KHDC1: variants seen among roughly 807,000 people sequenced by gnomAD.
KHDC1 encodes the protein KH homology domain-containing protein 1.
In KHDC1, 21 loss-of-function variants were observed where a neutral mutation model predicts 24.7. That is an observed-to-expected ratio of 0.85 (90% CI 0.60 to 1.23). KHDC1 has a LOEUF of 1.23. Among genes scored for constraint, KHDC1 ranks in the 50% most tolerant of loss-of-function variants. KHDC1 has a pLI of 0.00. For missense variants in KHDC1, 274 were observed against 298.5 expected, an observed-to-expected ratio of 0.92 and a Z score of 0.61; for synonymous variants, 98 against 111.7, an observed-to-expected ratio of 0.88 and a Z score of 0.77.
At chr6:73,271,838 T>C (rs1767185093) in intron 2 of KHDC1, among the ~76,000 whole-genome samples, 1 of 151,430 alleles carries the variant, frequency 6.6e-6, no homozygotes, top group Admixed American at 6.6e-5. Context: ...GATGTTGCAG[T>C]GAGCTGAGAT....
chr6:73,259,632 A>C (rs557461523), intron 2 of KHDC1, among the ~76,000 whole-genome samples: 79 of 152,324 alleles, frequency 5.2e-4, no homozygotes, highest in Non-Finnish European at 2.9e-4. Flanking sequence ...AGTTACATGC[A>C]GCAAGAAAGT....
At chr6:73,263,091 C>T in intron 2 of KHDC1, 2 of 1,017,330 alleles carry the variant, frequency 2.0e-6, no homozygotes, top group African/African-American at 1.7e-5. Flanking sequence ...CGGCTGCAGG[C>T]CTGGCCGATT....
At position 73,308,354 on chromosome 6, in the gene KHDC1, G is replaced by A. The variant is rs368165166; in HGVS notation, c.163+1198C>T. On this transcript the variant is annotated intron_variant, in intron 1 of 4. Transcript: ENST00000370384. Reference sequence around the variant, plus strand: ...CTCCCGAAGTGCTGGGATTACAGGCGTGAGCCACCACGCCCTGCTGCAATT... The same window carrying A: ...CTCCCGAAGTGCTGGGATTACAGGCATGAGCCACCACGCCCTGCTGCAATT... 3.3e-5 allele frequency among the ~76,000 whole-genome samples: 5 copies of A among 152,096 alleles called. No homozygotes were observed. In the South Asian group the frequency reaches 6.2e-4, roughly 19 times the overall value.
chr6:73,271,151 G>A (rs1256077580), intron 2 of KHDC1, among the ~76,000 whole-genome samples: 4 of 152,064 alleles, frequency 2.6e-5, no homozygotes, highest in Non-Finnish European at 1.5e-5. Flanking sequence ...ATGTAGCAAA[G>A]TCTATTAATT....
chr6:73,293,546 G>A lies in KHDC1; in HGVS notation c.164-1506C>T, dbSNP rs189384423. On this transcript the variant is annotated intron_variant, in intron 1 of 4. Transcript: ENST00000370384. ...CATGATCCCCGCACTTTGGGAGGCCGAGGCAGGCAGATCTCTTGAGGCCAG... is the reference window on the plus strand; with the variant it reads ...CATGATCCCCGCACTTTGGGAGGCCAAGGCAGGCAGATCTCTTGAGGCCAG... Among the ~76,000 whole-genome samples the A allele has an allele frequency of 2.2e-3, 333 of 152,026 alleles. 1 individual carries two copies. Among genetic ancestry groups the A allele is most frequent in the Non-Finnish European group, 3.1e-3 (212 of 67,948 alleles).
Position 73,242,280 on chromosome 6 carries a change from C to T in KHDC1, c.332-43G>A, listed in dbSNP as rs185551503. The T allele has an allele frequency of 8.8e-5, 141 of 1,604,816 alleles. 2 individuals are homozygous for T. The Admixed American group carries it at 2.3e-3, about 26-fold the overall frequency. ...GAGAGGAGGTTCTGTCAAGCACCAGCCCTTAGGGAATGGGGAGGTGGCCTT... is the reference window on the plus strand; with the variant it reads ...GAGAGGAGGTTCTGTCAAGCACCAGTCCTTAGGGAATGGGGAGGTGGCCTT... On this transcript the variant is annotated intron_variant, in intron 3 of 4. Coordinates refer to ENST00000370384, the Ensembl canonical transcript of KHDC1.
chr6:73,305,146 G>A (rs545186033), intron 1 of KHDC1, among the ~76,000 whole-genome samples: 11 of 152,128 alleles, frequency 7.2e-5, no homozygotes, highest in South Asian at 4.2e-4. Context: ...GCTGAGGCAC[G>A]AAAATTGCTT....
At chr6:73,279,575 A>ATTTTTT (rs560281126) in intron 2 of KHDC1, among the ~76,000 whole-genome samples, 1 of 98,312 alleles carries the variant, frequency 1.0e-5, no homozygotes, top group Non-Finnish European at 2.0e-5. Flanking sequence ...GGGACCATGG[A>ATTTTTT]TTTTTTTTTT....
intron 2 of KHDC1, among the ~76,000 whole-genome samples, chr6:73,280,514 CTTTTTTT>C (rs55832102): frequency 2.6e-5 from 3 of 117,466 alleles, no homozygotes; most frequent in Non-Finnish European, 3.5e-5. Flanking sequence ...TCTTTAATTT[CTTTTTTT>C]TTTTTTTTTT....
exon 1 of KHDC1, chr6:73,309,815 G>A: frequency 7.2e-7 from 1 of 1,389,788 alleles, no homozygotes; most frequent in African/African-American, 1.5e-5. Flanking sequence ...ACCAGACACC[G>A]ACGGAGAAGC....
intron 2 of KHDC1, among the ~76,000 whole-genome samples, chr6:73,283,177 A>G (rs181529734): frequency 6.6e-6 from 1 of 152,226 alleles, no homozygotes; most frequent in Non-Finnish European, 1.5e-5. Context: ...CGTATAGCTC[A>G]CATTTAATGA....
rs1177857941 is a variant in KHDC1 at position 73,287,216 on chromosome 6, C to T, written c.206+4782G>A. Among the ~76,000 whole-genome samples the T allele has an allele frequency of 5.3e-5, 8 of 152,108 alleles. No homozygotes were observed. The East Asian group carries it at 9.7e-4, about 18-fold the overall frequency. On this transcript the variant is annotated intron_variant, in intron 2 of 4. Transcript: ENST00000370384. ...TCAGTAGTGGCTCTTCTCTGAGAGCCGGGACTTACAGTAGGAGATGCCGTG... is the reference window on the plus strand; with the variant it reads ...TCAGTAGTGGCTCTTCTCTGAGAGCTGGGACTTACAGTAGGAGATGCCGTG...
chr6:73,245,646 T>C (rs1388043577), intron 2 of KHDC1, among the ~76,000 whole-genome samples: 1 of 152,200 alleles, frequency 6.6e-6, no homozygotes, highest in Admixed American at 6.5e-5. Context: ...ATTCATTTTT[T>C]TCCTTCTAAT....
intron 1 of KHDC1, among the ~76,000 whole-genome samples, chr6:73,296,932 C>T (rs1767769909): frequency 6.6e-6 from 1 of 152,126 alleles, no homozygotes; most frequent in African/African-American, 2.4e-5. Flanking sequence ...GACAGAGTCT[C>T]ACTCTGTCAC....
chr6:73,252,236 G>T (rs1341221722), intron 2 of KHDC1, among the ~76,000 whole-genome samples: 3 of 151,744 alleles, frequency 2.0e-5, no homozygotes, highest in Admixed American at 6.6e-5. Context: ...AGAGATGGGG[G>T]TCTCCCTATG....
chr6:73,259,812 G>A (rs1189972577), intron 2 of KHDC1, among the ~76,000 whole-genome samples: 1 of 152,112 alleles, frequency 6.6e-6, no homozygotes, highest in Non-Finnish European at 1.5e-5. Context: ...GAGAGTGTGA[G>A]CAAACCATGT....
At chr6:73,296,584 A>AT (rs1159078507) in intron 1 of KHDC1, among the ~76,000 whole-genome samples, 8 of 152,298 alleles carry the variant, frequency 5.3e-5, no homozygotes, top group African/African-American at 1.9e-4. Flanking sequence ...GCAAAAACTG[A>AT]TTTTATTATA....
At chr6:73,242,614 C>T in intron 2 of KHDC1, 84 bp from the exon 2 acceptor site, 1 of 1,561,046 alleles carries the variant, frequency 6.4e-7, no homozygotes, top group Non-Finnish European at 8.7e-7. Flanking sequence ...CTGTCCTTAA[C>T]ATAGGAACCC....
intron 2 of KHDC1, among the ~76,000 whole-genome samples, chr6:73,253,291 C>T (rs189103770): frequency 6.6e-6 from 1 of 152,204 alleles, no homozygotes. Flanking sequence ...TACGGTGGCT[C>T]ACGCCTGTAA....
Sources: gnomAD v4.1 joint callset for allele counts (sites outside exome capture counted in the v4.1 genomes callset) on GRCh38, gnomAD v4.1.1 for gene constraint, MANE v1.5 for transcripts, NCBI Gene and HGNC (gene_info 2026-07-23, HGNC 2026-07-21) for gene names.